LPL: variants seen among roughly 807,000 people sequenced by gnomAD.
LPL encodes phospholipase A1.
A neutral mutation model predicts 52.2 loss-of-function variants in LPL; 43 were observed. The ratio of observed to expected loss-of-function variants is 0.82; its 90% CI spans 0.64 to 1.06. The LOEUF (loss-of-function observed/expected upper bound fraction) is 1.06. LPL is among the 50% of genes least tolerant of loss of function. The pLI is 0.00. For synonymous variants in LPL, 244 were observed against 215.6 expected (o/e 1.13, Z -1.15); for missense variants, 639 against 585.3 (o/e 1.09, Z -0.95).
At chr8:19,958,921 GA>G (rs2070012458) in intron 6 of LPL, among the ~76,000 whole-genome samples, 1 of 152,228 alleles carries the variant, frequency 6.6e-6, no homozygotes, top group Non-Finnish European at 1.5e-5. Context: ...AGTTCATGGA[GA>G]AAGCATCATG....
rs1392724902 is a variant in LPL at position 19,939,571 on chromosome 8, G to A, written c.88+43G>A. On this transcript the variant is annotated intron_variant, in intron 1 of 9. Coordinates refer to ENST00000650287, the MANE Select transcript of LPL (RefSeq NM_000237.3). This position sits in a 1 kb window ranked among gnomAD's most constrained non-coding sequence, Gnocchi z 4.0. ...ACTCCCCTCCACCTGCAGACCCGGC[G>A]GGTGGCCACTGCCACCCGAACTGAG... 1.3e-6 allele frequency: 2 copies of A among 1,565,924 alleles called. No individual in the cohort carries two copies. The highest frequency in any genetic ancestry group is 1.7e-4 in the Middle Eastern group (1 of 5,996).
chr8:19,948,251 T>C lies in LPL; in HGVS notation c.160T>C (p.Cys54Arg). The part of the protein sequence containing the change: ...RTPEDTAEDT[C>R]HLIPGVAESV... Reference sequence around the variant, plus strand: ...CCCTGAAGACACAGCTGAGGACACTTGCCACCTCATTCCCGGAGTAGCAGA... The same window carrying C: ...CCCTGAAGACACAGCTGAGGACACTCGCCACCTCATTCCCGGAGTAGCAGA... The change falls in exon 2 of 10, where the codon TGC becomes CGC. Residue 54 changes from cysteine to arginine, a missense_variant. By Grantham distance (180) the Cys-to-Arg change is radical. Transcript: ENST00000650287. The C allele has an allele frequency of 6.2e-7, 1 of 1,614,128 alleles. No homozygotes were observed. The highest frequency in any genetic ancestry group is 8.5e-7 in the Non-Finnish European group (1 of 1,180,010).
intron 1 of LPL, among the ~76,000 whole-genome samples, chr8:19,941,051 C>G (rs1397604417): frequency 6.6e-6 from 1 of 152,206 alleles, no homozygotes; most frequent in Non-Finnish European, 1.5e-5. Context: ...GTGATTGCCC[C>G]ACTGCACTTC....
chr8:19,954,319 AG>A lies in LPL; in HGVS notation c.742del (p.Ala248LeufsTer4), dbSNP rs1563575252. The stretch of plus-strand genomic sequence containing the variant: ...TTCAGCCAGGATGTAACATTGGAGA[AG>A]CTATCCGCGTGATTGCAGAGAGAGG... ...TFQPGCNIGE[A>X]IRVIAERGLG... On this transcript the variant is annotated frameshift_variant, in exon 5 of 10. Transcript: ENST00000650287. LOFTEE classifies it high-confidence loss of function. 1.2e-6 allele frequency: 2 copies of A among 1,614,186 alleles called. No individual in the cohort carries two copies. Among genetic ancestry groups the A allele is most frequent in the East Asian group, 4.5e-5 (2 of 44,884 alleles).
intron 5 of LPL, 29 bp downstream of exon 5, chr8:19,954,382 G>A (rs1453078226): frequency 3.1e-6 from 5 of 1,592,378 alleles, no homozygotes; most frequent in East Asian, 4.5e-5. Flanking sequence ...CGAATTAAAT[G>A]TGACTCTTAT....
chr8:19,955,148 T>G (rs1304355728), intron 5 of LPL, among the ~76,000 whole-genome samples: 1 of 152,254 alleles, frequency 6.6e-6, no homozygotes, highest in Non-Finnish European at 1.5e-5. Context: ...AGGAATTCAT[T>G]CTTATGGCAT....
rs1387012884 is a variant in LPL at position 19,966,530 on chromosome 8, T to C, written c.*1220T>C. ...CTAGATCTCCTATTTTTCAGAATGC[T>C]CTTCTACGTATAAATATGAAATGAT... is the stretch of plus-strand genomic sequence containing the variant. On this transcript the variant is annotated 3_prime_UTR_variant, in exon 10 of 10. Transcript: ENST00000650287. 6.6e-6 allele frequency: 1 copy of C among 152,204 alleles called. No homozygotes were observed. Among genetic ancestry groups the C allele is most frequent in the East Asian group, 1.9e-4 (1 of 5,200 alleles). 9.4% of individuals were successfully genotyped at this position (152,204 alleles called of 1,614,324 possible).
intron 2 of LPL, chr8:19,951,565 T>C (rs1340277724): frequency 1.5e-6 from 1 of 669,386 alleles, no homozygotes; most frequent in African/African-American, 1.8e-5. Context: ...TCAACTCAAC[T>C]CAATGCCTTC....
chr8:19,958,335 T>C (rs1442029884), intron 6 of LPL, among the ~76,000 whole-genome samples: 1 of 152,108 alleles, frequency 6.6e-6, no homozygotes, highest in Non-Finnish European at 1.5e-5. Flanking sequence ...AAGAACTCTT[T>C]TTTCCTCCAT....
rs1344262426 is a variant in LPL, at chr8:19,960,990, A to G, written c.1229A>G (p.Lys410Arg). 1.2e-6 allele frequency: 2 copies of G among 1,614,118 alleles called. No individual in the cohort carries two copies. The highest frequency in any genetic ancestry group is 2.2e-5 in the South Asian group (2 of 91,082). The part of the protein sequence containing the change: ...GELLMLKLKW[K>R]SDSYFSWSDW... ...CTACTCATGTTGAAGCTCAAATGGA[A>G]GAGTGATTCATACTTTAGCTGGTCA... The change falls in exon 8 of 10, where the codon AAG becomes AGG. Residue 410 changes from lysine (K) to arginine (R), a missense_variant. Physicochemically the swap from Lys to Arg is conservative, Grantham distance 26 (BLOSUM62 2). Transcript: ENST00000650287.
intron 1 of LPL, among the ~76,000 whole-genome samples, chr8:19,942,752 C>T (rs928248823): frequency 2.0e-5 from 3 of 152,176 alleles, no homozygotes; most frequent in African/African-American, 7.2e-5. Context: ...CACTAGACTG[C>T]GTGACTGCAG....
intron 3 of LPL, among the ~76,000 whole-genome samples, 169 bp from the exon 4 acceptor site, chr8:19,953,141 A>G (rs1226783171): frequency 6.6e-6 from 1 of 152,232 alleles, no homozygotes; most frequent in Non-Finnish European, 1.5e-5. Flanking sequence ...AGACAATTTT[A>G]ACACTAGAGA....
chr8:19,946,081 T>C (rs1233320426), intron 1 of LPL, among the ~76,000 whole-genome samples: 1 of 152,128 alleles, frequency 6.6e-6, no homozygotes, highest in Admixed American at 6.5e-5. Flanking sequence ...ACTAGAGTGC[T>C]TTCTGGTTGG....
Position 19,939,511 on chromosome 8 carries a change from G to A in LPL, c.71G>A (p.Gly24Glu). 6.2e-7 allele frequency: 1 copy of A among 1,609,306 alleles called. No individual in the cohort carries two copies. The highest frequency in any genetic ancestry group is 1.1e-5 in the South Asian group (1 of 90,534). Residue 24 changes from glycine to glutamate, a missense_variant, in exon 1 of 10, where the codon GGG (glycine) becomes GAG (glutamate). Gly to Glu is a moderately conservative substitution (Grantham distance 98, BLOSUM62 -2). Coordinates refer to ENST00000650287, the MANE Select transcript of LPL (RefSeq NM_000237.3). The surrounding 1 kb of genome is among the most constrained non-coding windows in gnomAD (Gnocchi z 4.0). ...WLQSLTASRG[G>E]VAAADQRRDF... Reference sequence around the variant, plus strand: ...CAGAGTCTGACCGCCTCCCGCGGAGGGGTGGCCGCCGCCGACCGTAAGTTT... The same window carrying A: ...CAGAGTCTGACCGCCTCCCGCGGAGAGGTGGCCGCCGCCGACCGTAAGTTT...
intron 4 of LPL, among the ~76,000 whole-genome samples, chr8:19,953,900 T>A (rs1036658140): frequency 6.6e-6 from 1 of 152,152 alleles, no homozygotes; most frequent in African/African-American, 2.4e-5. Context: ...CCATCCTGAG[T>A]GGAAACTGCT....
At chr8:19,957,866 T>C (rs1480406895) in intron 6 of LPL, among the ~76,000 whole-genome samples, 1 of 152,040 alleles carries the variant, frequency 6.6e-6, no homozygotes, top group African/African-American at 2.4e-5. Flanking sequence ...TTCTAAACCA[T>C]CAGTCTTAAG....
In LPL at chr8:19,950,655, T is replaced by G. The variant is rs1395390973; in HGVS notation, c.250-1114T>G. Among the ~76,000 whole-genome samples, 1 of 152,000 alleles carries G rather than the reference T, an allele frequency of 6.6e-6. No individual in the cohort carries two copies. The highest frequency in any genetic ancestry group is 1.5e-5 in the Non-Finnish European group (1 of 68,004). ...TCTCTACTAAAAAAATACAAAAAAATTAGCCAGGTGTGGTGGTATGTGCTT... is the reference window on the plus strand; with the variant it reads ...TCTCTACTAAAAAAATACAAAAAAAGTAGCCAGGTGTGGTGGTATGTGCTT... On this transcript the variant is annotated intron_variant, in intron 2 of 9. Coordinates refer to ENST00000650287, the MANE Select transcript of LPL (RefSeq NM_000237.3). The surrounding 1 kb of genome is among the most constrained non-coding windows in gnomAD (Gnocchi z 4.2).
chr8:19,941,903 A>C (rs2069843652), intron 1 of LPL, among the ~76,000 whole-genome samples: 1 of 152,192 alleles, frequency 6.6e-6, no homozygotes, highest in Non-Finnish European at 1.5e-5. Flanking sequence ...CCATCTCTGC[A>C]TGGCCCCAAT....
chr8:19,964,948 T>C (rs1020555171), intron 9 of LPL, among the ~76,000 whole-genome samples: 1 of 152,210 alleles, frequency 6.6e-6, no homozygotes, highest in African/African-American at 2.4e-5. Flanking sequence ...AGATTCTCTT[T>C]CTCACACCTT....
Sources: gnomAD v4.1 joint callset for allele counts (sites outside exome capture counted in the v4.1 genomes callset) on GRCh38, gnomAD v4.1.1 for gene constraint, Gnocchi (gnomAD v3.1) non-coding constraint, MANE v1.5 for transcripts, NCBI Gene and HGNC (gene_info 2026-07-23, HGNC 2026-07-21) for gene names.